The following SHISA9 variants were observed in gnomAD, a reference collection of about 807,000 sequenced individuals.
SHISA9 encodes protein shisa-9.
SHISA9 carries 13 observed loss-of-function variants against 38.0 expected under a neutral mutation model. That is an observed-to-expected ratio of 0.34 (90% CI 0.22 to 0.54). The LOEUF (loss-of-function observed/expected upper bound fraction) is 0.54, where lower values mean the gene tolerates loss of function less well. Among genes scored for constraint, SHISA9 ranks in the 20% least tolerant of loss-of-function variants. The pLI, the probability that SHISA9 is intolerant of heterozygous loss-of-function variation, is 0.91. For synonymous variants in SHISA9, 275 were observed against 242.0 expected (o/e 1.14, Z -1.27); for missense variants, 538 against 575.8 (o/e 0.93, Z 0.67).
At chr16:13,436,458 CT>C in the SHISA9 span, among the ~76,000 whole-genome samples, 23 of 152,318 alleles carry the variant, frequency 1.5e-4, no homozygotes, top group South Asian at 4.4e-3. Context: ...CCAGGAATCC[CT>C]CAGCCCTTTC....
chr16:13,492,510 C>G, the SHISA9 span, among the ~76,000 whole-genome samples: 1 of 152,190 alleles, frequency 6.6e-6, no homozygotes, highest in Non-Finnish European at 1.5e-5. Flanking sequence ...CTGACATCAT[C>G]TTATCTCACC....
chr16:13,455,328 CTT>C, the SHISA9 span, among the ~76,000 whole-genome samples: 1 of 152,296 alleles, frequency 6.6e-6, no homozygotes, highest in Admixed American at 6.5e-5. Context: ...GGATATGTCT[CTT>C]ATTTCTTCCA....
chr16:12,976,599 G>A (rs2072165023), intron 2 of SHISA9, among the ~76,000 whole-genome samples: 1 of 152,134 alleles, frequency 6.6e-6, no homozygotes, highest in East Asian at 1.9e-4. Context: ...AGATATTCAG[G>A]CTGAAGGTAC....
chr16:13,043,802 C>A lies in SHISA9; in HGVS notation c.691+126987C>A, dbSNP rs187452850. On this transcript the variant is annotated intron_variant, in intron 2 of 4. Transcript: ENST00000558583. ...TTTTACTGACTGATCCTTCAGAGCTCAGCCTGAAATTCCTCTCTCCTGGAT... is the reference window on the plus strand; with the variant it reads ...TTTTACTGACTGATCCTTCAGAGCTAAGCCTGAAATTCCTCTCTCCTGGAT... Among the ~76,000 whole-genome samples the A allele has an allele frequency of 4.6e-5, 7 of 152,308 alleles. No individual in the cohort carries two copies. The South Asian group carries it at 1.0e-3, about 23-fold the overall frequency.
chr16:13,429,681 TAACTC>T, the SHISA9 span, among the ~76,000 whole-genome samples: 393 of 152,348 alleles, frequency 2.6e-3, 2 homozygotes, highest in Admixed American at 6.2e-3. Context: ...GGGGGTTACA[TAACTC>T]AAATCATGAC....
intron 2 of SHISA9, among the ~76,000 whole-genome samples, chr16:13,139,410 C>T (rs1489199807): frequency 7.6e-6 from 1 of 131,234 alleles, no homozygotes; most frequent in African/African-American, 2.9e-5. Flanking sequence ...TCCTTCCTTC[C>T]TTCCTTCCTT....
intron 2 of SHISA9, among the ~76,000 whole-genome samples, chr16:13,084,038 A>G (rs565047143): frequency 2.0e-5 from 3 of 152,290 alleles, no homozygotes; most frequent in East Asian, 3.9e-4. Context: ...ATTAGAGAAG[A>G]AATGAGGAGG....
chr16:13,424,950 T>A, the SHISA9 span, among the ~76,000 whole-genome samples: 87 of 152,280 alleles, frequency 5.7e-4, no homozygotes, highest in Non-Finnish European at 1.1e-3. Context: ...AGTGAAATCA[T>A]CATAACATCC....
At chr16:13,113,918 C>T (rs1287466528) in intron 2 of SHISA9, among the ~76,000 whole-genome samples, 1 of 152,198 alleles carries the variant, frequency 6.6e-6, no homozygotes, top group African/African-American at 2.4e-5. Context: ...CTGCCTTCTT[C>T]TGTCACTCCA....
At chr16:13,037,642 A>G (rs886106673) in intron 2 of SHISA9, among the ~76,000 whole-genome samples, 2 of 152,118 alleles carry the variant, frequency 1.3e-5, no homozygotes, top group African/African-American at 4.8e-5. Context: ...TTCCACTCAC[A>G]CTGTTATCAC....
In SHISA9 at chr16:13,123,055, T is replaced by C. The variant is rs999690013; in HGVS notation, c.692-80339T>C. On this transcript the variant is annotated intron_variant, in intron 2 of 4. Transcript: ENST00000558583. ...GAGCAAGACTCCATCTCAAAAAAGATATTATTATCATTTCTGTTTTATAGA... is the reference window on the plus strand; with the variant it reads ...GAGCAAGACTCCATCTCAAAAAAGACATTATTATCATTTCTGTTTTATAGA... Among the ~76,000 whole-genome samples the C allele has an allele frequency of 1.1e-4, 16 of 152,184 alleles. 1 individual carries two copies. Among genetic ancestry groups the C allele is most frequent in the African/African-American group, 3.6e-4 (15 of 41,450 alleles).
At chr16:13,370,046 G>A in the SHISA9 span, among the ~76,000 whole-genome samples, 1 of 152,030 alleles carries the variant, frequency 6.6e-6, no homozygotes, top group Admixed American at 6.6e-5. Context: ...AAAACCATTT[G>A]TACCTGTAAA....
chr16:13,150,692 C>T (rs978479327), intron 2 of SHISA9, among the ~76,000 whole-genome samples: 13 of 152,094 alleles, frequency 8.5e-5, no homozygotes, highest in Non-Finnish European at 1.5e-4. Context: ...AGCATCATTG[C>T]GGAGGCATTG....
At chr16:13,011,692 T>G (rs2072677969) in intron 2 of SHISA9, among the ~76,000 whole-genome samples, 1 of 152,096 alleles carries the variant, frequency 6.6e-6, no homozygotes, top group Non-Finnish European at 1.5e-5. Flanking sequence ...TGGCTAATTT[T>G]TTGTATTTTT....
At chr16:13,283,060 C>G in the SHISA9 span, among the ~76,000 whole-genome samples, 1 of 151,942 alleles carries the variant, frequency 6.6e-6, no homozygotes, top group Non-Finnish European at 1.5e-5. Flanking sequence ...ACTTGTATGG[C>G]TAGTGGGTTT....
intron 2 of SHISA9, among the ~76,000 whole-genome samples, chr16:13,177,975 T>G (rs2050745815): frequency 6.6e-6 from 1 of 152,242 alleles, no homozygotes; most frequent in African/African-American, 2.4e-5. Flanking sequence ...GCCAGGTTCA[T>G]GTTTTGTAAC....
At chr16:13,150,726 C>T (rs148598025) in intron 2 of SHISA9, among the ~76,000 whole-genome samples, 17 of 152,160 alleles carry the variant, frequency 1.1e-4, no homozygotes, top group African/African-American at 3.9e-4. Context: ...ACCACCCCTG[C>T]AAGCAGTAAT....
chr16:13,382,309 C>T, the SHISA9 span, among the ~76,000 whole-genome samples: 7 of 151,846 alleles, frequency 4.6e-5, no homozygotes, highest in African/African-American at 1.5e-4. Context: ...GGGTGGATCA[C>T]TTGAGGACAG....
chr16:13,377,163 T>C, the SHISA9 span, among the ~76,000 whole-genome samples: 2 of 152,196 alleles, frequency 1.3e-5, no homozygotes, highest in African/African-American at 4.8e-5. Context: ...GAGCTTGCCT[T>C]GGATGGTCAG....
Sources: gnomAD v4.1 joint callset for allele counts (sites outside exome capture counted in the v4.1 genomes callset) on GRCh38, gnomAD v4.1.1 for gene constraint, MANE v1.5 for transcripts, NCBI Gene and HGNC (gene_info 2026-07-23, HGNC 2026-07-21) for gene names.